Variants in CYLD observed in about 807,000 individuals in gnomAD.
CYLD encodes the protein ubiquitin carboxyl-terminal hydrolase CYLD.
Under a neutral mutation model 104.5 loss-of-function variants are expected in CYLD, and 26 were observed. The ratio of observed to expected loss-of-function variants is 0.25; its 90% confidence interval spans 0.18 to 0.35. The LOEUF (loss-of-function observed/expected upper bound fraction) is 0.35. Among genes scored for constraint, CYLD ranks in the 10% least tolerant of loss-of-function variants. The pLI is 1.00. For synonymous variants in CYLD, 385 were observed against 399.9 expected, an observed-to-expected ratio of 0.96 and a Z score of 0.45; for missense variants, 703 against 1,136.1, an observed-to-expected ratio of 0.62 and a Z score of 5.48.
At chr16:50,795,505 G>T in intron 18 of CYLD, 1 of 702,494 alleles carries the variant, frequency 1.4e-6, no homozygotes, top group South Asian at 1.5e-5. Context: ...TGTGAGGTGT[G>T]ACTCTCATGT....
chr16:50,793,570 G>A lies in CYLD; in HGVS notation c.2375G>A (p.Gly792Glu). 6.2e-7 allele frequency: 1 copy of A among 1,613,654 alleles called. No individual in the cohort carries two copies. Among genetic ancestry groups the A allele is most frequent in the Non-Finnish European group, 8.5e-7 (1 of 1,179,688 alleles). The change falls in exon 17 of 19, where the codon GGA becomes GAA. Residue 792 changes from glycine to glutamate, a missense_variant. Around this residue, in one of 5 missense-constraint regions of CYLD, gnomAD observed 130 missense variants for 220.2 expected, o/e 0.59. Transcript: ENST00000427738. ...GCTCCCAGACAGTGCCGGATATGTGGAGGGCTTGCAATGTATGAGTGTAGA... is the reference window on the plus strand; with the variant it reads ...GCTCCCAGACAGTGCCGGATATGTGAAGGGCTTGCAATGTATGAGTGTAGA... ...EDTPRQCRIC[G>E]GLAMYECREC...
intron 5 of CYLD, among the ~76,000 whole-genome samples, chr16:50,761,480 C>T (rs375358875): frequency 2.0e-5 from 3 of 152,210 alleles, no homozygotes; most frequent in East Asian, 3.8e-4. Flanking sequence ...CTGCTCATCT[C>T]TGTTCTCTGC....
In CYLD at chr16:50,801,372, A is replaced by G. The variant is rs537349306; in HGVS notation, c.*4864A>G. On this transcript the variant is annotated 3_prime_UTR_variant, in exon 19 of 19. Transcript: ENST00000427738. ...TGGCATTTTTATTTCACTGTGTTTT[A>G]AAGTCTTCATTTATTTTTATAACAT... 1.7e-5 allele frequency: 4 copies of G among 233,380 alleles called. No homozygotes were observed. The highest frequency in any genetic ancestry group is 1.8e-4 in the South Asian group (1 of 5,524). The allele number at this position is 233,380 out of a possible 1,614,324, so 14.5% of individuals were successfully genotyped here. A position where few individuals can be genotyped will look rare whatever the true frequency, so the allele number is the denominator to read the frequency against.
chr16:50,760,079 C>G (rs1967727921), intron 5 of CYLD, among the ~76,000 whole-genome samples: 1 of 152,182 alleles, frequency 6.6e-6, no homozygotes, highest in Non-Finnish European at 1.5e-5. Context: ...ATGTATCTGT[C>G]CACCTCTCTA....
chr16:50,747,511 A>C (rs1389946613), intron 2 of CYLD, among the ~76,000 whole-genome samples: 2 of 152,236 alleles, frequency 1.3e-5, no homozygotes, highest in African/African-American at 4.8e-5. Flanking sequence ...TACATCAATG[A>C]TCAAGAAAAA....
intron 7 of CYLD, 42 bp from the exon 8 acceptor site, chr16:50,777,783 T>C: frequency 9.4e-7 from 1 of 1,067,294 alleles, no homozygotes; most frequent in Non-Finnish European, 1.5e-6. Context: ...TTTGATGCTA[T>C]ATTGACTTTA....
At position 50,748,290 on chromosome 16, in the gene CYLD, TCA is replaced by T. The variant is rs374462457; in HGVS notation, c.-123-1285_-123-1284del. On this transcript the variant is annotated intron_variant, in intron 2 of 18. Transcript: ENST00000427738. The stretch of plus-strand genomic sequence containing the variant: ...TTAATTAAAATAATGAAGTAAAGTC[TCA>T]GTTTAAATTAATGAAATTGTGTAGT... Among the ~76,000 whole-genome samples, 146 of 152,290 alleles carry T rather than the reference TCA, an allele frequency of 9.6e-4. 3 individuals are homozygous for T. The highest frequency in any genetic ancestry group is 3.4e-3 in the Middle Eastern group (1 of 292).
In CYLD at chr16:50,777,855, G is replaced by T; in HGVS notation, c.1052G>T (p.Arg351Ile). The change falls in exon 8 of 19, where the codon AGA (arginine) becomes ATA (isoleucine). Residue 351 changes from arginine (R) to isoleucine (I), a missense_variant. Arg to Ile is a moderately conservative substitution (Grantham distance 97, BLOSUM62 -3). Around this residue, in one of 5 missense-constraint regions of CYLD, gnomAD observed 183 missense variants for 212.1 expected, o/e 0.86. Coordinates refer to ENST00000427738, the MANE Select transcript of CYLD (RefSeq NM_001378743.1). ...ACCTCAGACCCTGGAAATAGAAACA[G>T]ATCTGAATTATTTTATACCTTAAAT... ...GSTSDPGNRN[R>I]SELFYTLNGS... 2 of 1,606,580 alleles carry T rather than the reference G, an allele frequency of 1.2e-6. No individual in the cohort carries two copies. The highest frequency in any genetic ancestry group is 1.7e-6 in the Non-Finnish European group (2 of 1,173,802).
At position 50,742,858 on chromosome 16, in the gene CYLD, T is replaced by A; in HGVS notation, c.-124+17T>A. ...CTGTGACAGGTATTCTTTCTTTATG[T>A]TTTTCTTTCATGTTAACAATCGAGG... is the stretch of plus-strand genomic sequence containing the variant. On this transcript the variant is annotated intron_variant, in intron 2 of 18. Transcript: ENST00000427738. 2.7e-6 allele frequency: 1 copy of A among 368,644 alleles called. No individual in the cohort carries two copies. Among genetic ancestry groups the A allele is most frequent in the South Asian group, 1.3e-4 (1 of 7,446 alleles). The allele number at this position is 368,644 out of a possible 1,614,324, so 22.8% of individuals were successfully genotyped here. A position where few individuals can be genotyped will look rare whatever the true frequency, so the allele number is the denominator to read the frequency against.
At chr16:50,759,359 A>T (rs1967652052) in intron 5 of CYLD, among the ~76,000 whole-genome samples, 2 of 152,242 alleles carry the variant, frequency 1.3e-5, no homozygotes, top group South Asian at 4.1e-4. Context: ...AGAACATTAG[A>T]AGTACCTTGA....
chr16:50,777,826 A>C lies in CYLD; in HGVS notation c.1023A>C (p.Gly341=). ...ATGAAACTTTTCTTGTTCCTATAGG[A>C]TCTACCTCAGACCCTGGAAATAGAA... The part of the protein sequence containing the change: ...SSSHNKPKAT[G]STSDPGNRNR... The change falls in exon 8 of 19, where the codon GGA becomes GGC. Residue 341 remains glycine (G), a splice_region_variant and synonymous_variant. Coordinates refer to ENST00000427738, the MANE Select transcript of CYLD (RefSeq NM_001378743.1). 6.5e-7 allele frequency: 1 copy of C among 1,530,070 alleles called. No individual in the cohort carries two copies. The highest frequency in any genetic ancestry group is 9.1e-7 in the Non-Finnish European group (1 of 1,104,622). 94.8% of individuals were successfully genotyped at this position (1,530,070 alleles called of 1,614,324 possible). A position where few individuals can be genotyped will look rare whatever the true frequency, so the allele number is the denominator to read the frequency against.
intron 5 of CYLD, among the ~76,000 whole-genome samples, chr16:50,774,390 CGT>C (rs1450248621): frequency 1.7e-4 from 26 of 152,250 alleles, no homozygotes; most frequent in African/African-American, 6.3e-4. Context: ...CTGAACCCTA[CGT>C]ATACTGTGTT....
intron 5 of CYLD, among the ~76,000 whole-genome samples, chr16:50,755,441 A>G (rs778058305): frequency 6.6e-6 from 1 of 152,158 alleles, no homozygotes; most frequent in Non-Finnish European, 1.5e-5. Flanking sequence ...TTTATCTTTA[A>G]GGAATCCCCA....
chr16:50,782,014 TTGAAAG>T (rs1970266494), intron 10 of CYLD, among the ~76,000 whole-genome samples: 1 of 152,222 alleles, frequency 6.6e-6, no homozygotes, highest in African/African-American at 2.4e-5. Flanking sequence ...CTTTTCAAAC[TTGAAAG>T]TGAAGCAACT....
At chr16:50,771,998 T>C (rs1252547401) in intron 5 of CYLD, among the ~76,000 whole-genome samples, 11 of 152,222 alleles carry the variant, frequency 7.2e-5, no homozygotes. Context: ...TAATTCCTCC[T>C]ACTTTATTCT....
intron 5 of CYLD, among the ~76,000 whole-genome samples, chr16:50,756,041 T>C (rs912420094): frequency 2.8e-4 from 43 of 152,320 alleles, no homozygotes; most frequent in African/African-American, 1.0e-3. Context: ...CTTTCTAATA[T>C]ATATTTTGAG....
rs1455149375 is a variant in CYLD at position 50,800,218 on chromosome 16, C to T, written c.*3710C>T. On this transcript the variant is annotated 3_prime_UTR_variant, in exon 19 of 19. Transcript: ENST00000427738. ...GGAAAAAAATACAAATTCCTGGGTC[C>T]TAGGCCATGCCTGCTGAATCCGACT... The T allele has an allele frequency of 4.3e-6, 1 of 233,016 alleles. No homozygotes were observed. Among genetic ancestry groups the T allele is most frequent in the Non-Finnish European group, 8.5e-6 (1 of 117,930 alleles). The allele number at this position is 233,016 out of a possible 1,614,324, so 14.4% of individuals were successfully genotyped here. A position where few individuals can be genotyped will look rare whatever the true frequency, so the allele number is the denominator to read the frequency against.
At chr16:50,793,121 C>T (rs970391560) in intron 16 of CYLD, among the ~76,000 whole-genome samples, 2,007 of 131,272 alleles carry the variant, frequency 0.015, 44 homozygotes, top group African/African-American at 0.07. Context: ...CATATACACA[C>T]ACACACACAC....
chr16:50,767,878 A>G (rs1968693892), intron 5 of CYLD, among the ~76,000 whole-genome samples: 1 of 152,242 alleles, frequency 6.6e-6, no homozygotes, highest in African/African-American at 2.4e-5. Flanking sequence ...AAAGCAAAGA[A>G]AAAAACCACC....
Sources: allele counts gnomAD v4.1 joint callset (sites outside exome capture counted in the v4.1 genomes callset), GRCh38; gene constraint gnomAD v4.1.1; regional missense constraint gnomAD v4.1.1; transcripts MANE v1.5; gene names NCBI Gene and HGNC (gene_info 2026-07-23, HGNC 2026-07-21).